Variants in PCDHGB6 observed in about 807,000 individuals in gnomAD.
The protein encoded by PCDHGB6 is protocadherin gamma-B6.
In PCDHGB6, 51 loss-of-function variants were observed where a neutral mutation model predicts 59.1. The observed-to-expected ratio is 0.86, with a 90% CI of 0.69 to 1.09. The LOEUF is 1.09. Ranked by LOEUF, PCDHGB6 falls within the 50% of genes least tolerant of loss-of-function variation. The pLI, the probability that PCDHGB6 is intolerant of heterozygous loss-of-function variation, is 0.00. For synonymous variants in PCDHGB6, 466 were observed against 495.1 expected, an observed-to-expected ratio of 0.94 and a Z score of 0.78; for missense variants, 1,148 against 1,205.1, an observed-to-expected ratio of 0.95 and a Z score of 0.70.
chr5:141,510,894 A>G, intron 3 of PCDHGB6, 53 bp from the exon 4 acceptor site: 2 of 1,612,850 alleles, frequency 1.2e-6, no homozygotes, highest in Non-Finnish European at 8.5e-7. Flanking sequence ...TAAGACAGTG[A>G]CTGTTGAGGA....
rs777535962 is a variant in PCDHGB6, at chr5:141,431,195, G to T, written c.2418+20575G>T. The T allele has an allele frequency of 1.2e-6, 2 of 1,614,166 alleles. No homozygotes were observed. Among genetic ancestry groups the T allele is most frequent in the East Asian group, 2.2e-5 (1 of 44,890 alleles). On this transcript the variant is annotated intron_variant, in intron 1 of 3. Transcript: ENST00000520790. The surrounding 1 kb of genome is among the most constrained non-coding windows in gnomAD (Gnocchi z 4.8). ...ATTAGAAATAAAAATTAGTGAAAAT[G>T]CAGCCACTGAGATGCGGTTCCCTCT... is the stretch of plus-strand genomic sequence containing the variant.
At chr5:141,419,663 G>T (rs1459319505) in intron 1 of PCDHGB6, 1 of 1,612,710 alleles carries the variant, frequency 6.2e-7, no homozygotes, top group Non-Finnish European at 8.5e-7. Flanking sequence ...GGGGCACAAT[G>T]CCTGGCTGTC....
chr5:141,511,793 G>A lies in PCDHGB6; in HGVS notation c.*620G>A, dbSNP rs2099883948. The stretch of plus-strand genomic sequence containing the variant: ...TACTGATGCTTGCTGGATTTAGGGA[G>A]GGCATTTTGCTACCAAGCCTCTTCC... On this transcript the variant is annotated 3_prime_UTR_variant, in exon 4 of 4. Coordinates refer to ENST00000520790, the MANE Select transcript of PCDHGB6 (RefSeq NM_018926.3). 6.4e-6 allele frequency: 1 copy of A among 157,066 alleles called. No homozygotes were observed. The highest frequency in any genetic ancestry group is 2.4e-5 in the African/African-American group (1 of 41,492). 9.7% of individuals were successfully genotyped at this position (157,066 alleles called of 1,614,324 possible). A position where few individuals can be genotyped will look rare whatever the true frequency, so the allele number is the denominator to read the frequency against.
At chr5:141,438,621 TATATATATATATATACAC>T (rs1369797568) in intron 1 of PCDHGB6, among the ~76,000 whole-genome samples, 6 of 41,386 alleles carry the variant, frequency 1.4e-4, no homozygotes, top group South Asian at 9.0e-4. Context: ...TATATATATA[TATATATATATATATACAC>T]ACACACACAC....
At chr5:141,427,958 G>A (rs1266312663) in intron 1 of PCDHGB6, 3 of 1,588,290 alleles carry the variant, frequency 1.9e-6, no homozygotes, top group Admixed American at 1.7e-5. Context: ...ACAATGTGCC[G>A]CGGGTGCTGT....
chr5:141,496,132 C>T (rs865808904), intron 2 of PCDHGB6, among the ~76,000 whole-genome samples: 1 of 152,058 alleles, frequency 6.6e-6, no homozygotes, highest in African/African-American at 2.4e-5. Flanking sequence ...CCCTCACACA[C>T]TGAGCCTTTG....
chr5:141,421,527 GTCC>G (rs2096581302), intron 1 of PCDHGB6: 1 of 1,614,050 alleles, frequency 6.2e-7, no homozygotes, highest in African/African-American at 1.3e-5. Flanking sequence ...GTGAGACGGT[GTCC>G]TCCTGTTTTT....
chr5:141,422,228 T>C (rs1561800204), intron 1 of PCDHGB6: 1 of 1,565,566 alleles, frequency 6.4e-7, no homozygotes, highest in Non-Finnish European at 8.6e-7. Flanking sequence ...ACCACGACGA[T>C]GTTGATCACT....
At chr5:141,497,983 C>T (rs2099780927) in intron 2 of PCDHGB6, among the ~76,000 whole-genome samples, 1 of 152,168 alleles carries the variant, frequency 6.6e-6, no homozygotes, top group African/African-American at 2.4e-5. Context: ...GTGGGAGGCC[C>T]CTGCCCTCAA....
rs183831513 is a variant in PCDHGB6 at position 141,497,605 on chromosome 5, T to A, written c.2477+2740T>A. ...CCCAAGCTGGAGTGCAGTGGTGCGA[T>A]CTTGGCTCACTGCAACCTCTGCCTG... On this transcript the variant is annotated intron_variant, in intron 2 of 3. Coordinates refer to ENST00000520790, the MANE Select transcript of PCDHGB6 (RefSeq NM_018926.3). Among the ~76,000 whole-genome samples, 19 of 151,488 alleles carry A rather than the reference T, an allele frequency of 1.3e-4. No individual in the cohort carries two copies. In the East Asian group the frequency reaches 3.7e-3, roughly 29 times the overall value.
intron 2 of PCDHGB6, among the ~76,000 whole-genome samples, chr5:141,502,625 T>G (rs2099815384): frequency 6.6e-6 from 1 of 152,210 alleles, no homozygotes; most frequent in Admixed American, 6.5e-5. Context: ...ATAAGTAATC[T>G]GTGGATGATA....
chr5:141,432,104 C>T lies in PCDHGB6; in HGVS notation c.2418+21484C>T. The stretch of plus-strand genomic sequence containing the variant: ...GAACGTGGCAGACACCAACGACAAC[C>T]CGCCGGTCTTCCCTCAGGCCTCCTA... On this transcript the variant is annotated intron_variant, in intron 1 of 3. Coordinates refer to ENST00000520790, the MANE Select transcript of PCDHGB6 (RefSeq NM_018926.3). This position sits in a 1 kb window ranked among gnomAD's most constrained non-coding sequence, Gnocchi z 6.0. 1 of 1,614,204 alleles carries T rather than the reference C, an allele frequency of 6.2e-7. No individual in the cohort carries two copies. The highest frequency in any genetic ancestry group is 1.7e-5 in the Admixed American group (1 of 60,026).
At chr5:141,459,632 A>G (rs1202000974) in intron 1 of PCDHGB6, among the ~76,000 whole-genome samples, 1 of 152,214 alleles carries the variant, frequency 6.6e-6, no homozygotes, top group East Asian at 1.9e-4. Flanking sequence ...AAGCTGCCAA[A>G]CTATTTTTCA....
chr5:141,495,107 A>G (rs559621284), intron 2 of PCDHGB6, among the ~76,000 whole-genome samples: 1 of 152,166 alleles, frequency 6.6e-6, no homozygotes, highest in East Asian at 1.9e-4. Flanking sequence ...CACGACCGGC[A>G]CCTTTTCCTA....
rs988950366 is a variant in PCDHGB6, at chr5:141,409,063, C to A, written c.861C>A (p.Ser287Arg). 1.2e-6 allele frequency: 2 copies of A among 1,613,860 alleles called. No homozygotes were observed. The highest frequency in any genetic ancestry group is 2.7e-5 in the African/African-American group (2 of 74,904). The change falls in exon 1 of 4, where the codon AGC (serine) becomes AGA (arginine). Residue 287 changes from serine to arginine, a missense_variant. By Grantham distance (110) the Ser-to-Arg change is moderately radical. Coordinates refer to ENST00000520790, the MANE Select transcript of PCDHGB6 (RefSeq NM_018926.3). ...INYYFRSTAQ[S>R]TKHMFSLDEK... ...ACTACTTCCGAAGCACTGCCCAGAGCACAAAACATATGTTCTCATTGGATG... is the reference window on the plus strand; with the variant it reads ...ACTACTTCCGAAGCACTGCCCAGAGAACAAAACATATGTTCTCATTGGATG...
chr5:141,501,475 G>A (rs1305778190), intron 2 of PCDHGB6, among the ~76,000 whole-genome samples: 5 of 152,014 alleles, frequency 3.3e-5, no homozygotes, highest in Admixed American at 3.3e-4. Flanking sequence ...AATCCTGGAA[G>A]AGTCCCTCAT....
rs1008664105 is a variant in PCDHGB6, at chr5:141,432,402, T to C, written c.2418+21782T>C. 6.2e-7 allele frequency: 1 copy of C among 1,614,194 alleles called. No homozygotes were observed. The highest frequency in any genetic ancestry group is 1.1e-5 in the South Asian group (1 of 91,082). On this transcript the variant is annotated intron_variant, in intron 1 of 3. Transcript: ENST00000520790. The surrounding 1 kb of genome is among the most constrained non-coding windows in gnomAD (Gnocchi z 6.0). ...CCGCCCCTCAGCAGCAACGTGTCGT[T>C]GAGCCTGTTCGTGCTGGACCAGAAC...
rs775312856 is a variant in PCDHGB6, at chr5:141,485,899, C to G, written c.2419-8908C>G. 1.9e-6 allele frequency: 3 copies of G among 1,614,166 alleles called. No homozygotes were observed. Among genetic ancestry groups the G allele is most frequent in the Non-Finnish European group, 2.5e-6 (3 of 1,180,032 alleles). ...ACGTAAACGACAACGCCCCAGCCTT[C>G]CAGCAATCCAGCTACAGGATTAGTG... On this transcript the variant is annotated intron_variant, in intron 1 of 3. Transcript: ENST00000520790. The surrounding 1 kb of genome is among the most constrained non-coding windows in gnomAD (Gnocchi z 5.7).
intron 1 of PCDHGB6, among the ~76,000 whole-genome samples, chr5:141,469,731 C>A (rs1332201791): frequency 6.6e-6 from 1 of 152,214 alleles, no homozygotes; most frequent in Non-Finnish European, 1.5e-5. Context: ...ATCATAAATA[C>A]ACACCTCAAA....
Sources: gnomAD v4.1 joint callset for allele counts (sites outside exome capture counted in the v4.1 genomes callset) on GRCh38, gnomAD v4.1.1 for gene constraint, Gnocchi (gnomAD v3.1) non-coding constraint, MANE v1.5 for transcripts, NCBI Gene and HGNC (gene_info 2026-07-23, HGNC 2026-07-21) for gene names.